The following SAMD5 variants were observed in gnomAD, a reference collection of about 807,000 sequenced individuals.
The protein encoded by SAMD5 is sterile alpha motif domain containing 5, also known as sterile alpha motif domain-containing protein 5.
A neutral mutation model predicts 11.3 loss-of-function variants in SAMD5; 13 were observed. The observed-to-expected ratio is 1.15, with a 90% CI of 0.75 to 1.83. The LOEUF is 1.83. SAMD5 is among the 40% of genes most tolerant of loss of function. The pLI is 0.00. For missense variants in SAMD5, 255 were observed against 239.1 expected, an observed-to-expected ratio of 1.07 and a Z score of -0.44; for synonymous variants, 129 against 111.3, an observed-to-expected ratio of 1.16 and a Z score of -1.00.
the SAMD5 span, among the ~76,000 whole-genome samples, chr6:147,878,294 A>G: frequency 1.3e-5 from 2 of 151,902 alleles, no homozygotes; most frequent in Non-Finnish European, 2.9e-5. Flanking sequence ...CATGGTGGAA[A>G]GGAATGAGAG....
chr6:147,932,407 C>G, the SAMD5 span, among the ~76,000 whole-genome samples: 1 of 152,028 alleles, frequency 6.6e-6, no homozygotes, highest in Non-Finnish European at 1.5e-5. Context: ...CTCAGATACC[C>G]CACAAAGTGG....
chr6:147,695,353 C>G (rs1791160357), intron 1 of SAMD5, among the ~76,000 whole-genome samples: 1 of 151,940 alleles, frequency 6.6e-6, no homozygotes, highest in African/African-American at 2.4e-5. Flanking sequence ...AAATCAAAAG[C>G]CTTCGTTACG....
At chr6:147,778,089 A>G in the SAMD5 span, among the ~76,000 whole-genome samples, 1 of 152,358 alleles carries the variant, frequency 6.6e-6, no homozygotes, top group East Asian at 1.9e-4. Context: ...CATTCTTACC[A>G]GCAATGCACT....
the SAMD5 span, among the ~76,000 whole-genome samples, chr6:147,931,300 G>A: frequency 2.6e-5 from 4 of 152,178 alleles, no homozygotes; most frequent in African/African-American, 9.7e-5. Context: ...AAAATAGGAT[G>A]TGATCATTCT....
chr6:147,830,783 A>G, the SAMD5 span, among the ~76,000 whole-genome samples: 1 of 152,210 alleles, frequency 6.6e-6, no homozygotes, highest in Admixed American at 6.5e-5. Context: ...TTCTTCACTA[A>G]TGCAGGATTT....
intron 1 of SAMD5, among the ~76,000 whole-genome samples, chr6:147,670,839 G>C (rs761287077): frequency 7.9e-4 from 120 of 152,340 alleles, no homozygotes; most frequent in Admixed American, 1.4e-3. Context: ...TGTCATTCAT[G>C]TGTTCACCGT....
the SAMD5 span, among the ~76,000 whole-genome samples, chr6:147,798,838 CTT>C: frequency 6.6e-6 from 1 of 152,204 alleles, no homozygotes; most frequent in African/African-American, 2.4e-5. Flanking sequence ...TTCTTTGTCT[CTT>C]TTGTTCTTTG....
At chr6:147,533,843 C>T (rs1788467410) in intron 1 of SAMD5, among the ~76,000 whole-genome samples, 1 of 152,178 alleles carries the variant, frequency 6.6e-6, no homozygotes, top group African/African-American at 2.4e-5. Flanking sequence ...AGGCCACCAA[C>T]TGATTGGATG....
chr6:147,515,613 C>T (rs1583064145), intron 1 of SAMD5, among the ~76,000 whole-genome samples: 1 of 151,520 alleles, frequency 6.6e-6, no homozygotes, highest in East Asian at 1.9e-4. Flanking sequence ...TCCATTTATC[C>T]ATCTATCCAT....
chr6:147,773,656 A>T, the SAMD5 span, among the ~76,000 whole-genome samples: 4 of 152,236 alleles, frequency 2.6e-5, no homozygotes, highest in East Asian at 7.7e-4. Flanking sequence ...GCCTCTTTTT[A>T]TGTCAGCACT....
At chr6:147,599,952 AGAGGTGTGTATGGGACCAG>A (rs1214144070) in intron 1 of SAMD5, among the ~76,000 whole-genome samples, 16 of 151,952 alleles carry the variant, frequency 1.1e-4, no homozygotes, top group Admixed American at 5.9e-4. Flanking sequence ...TATAGGACCA[AGAGGTGTGTATGGGACCAG>A]GAGGTGTGTA....
chr6:147,913,654 C>A, the SAMD5 span, among the ~76,000 whole-genome samples: 1 of 152,074 alleles, frequency 6.6e-6, no homozygotes. Context: ...TGAGATCACG[C>A]CATTGCACTC....
At chr6:147,795,886 A>G in the SAMD5 span, among the ~76,000 whole-genome samples, 5 of 152,040 alleles carry the variant, frequency 3.3e-5, no homozygotes, top group South Asian at 2.1e-4. Flanking sequence ...GTCTGTTCAT[A>G]TCCTTCGCCC....
At chr6:147,914,038 G>A in the SAMD5 span, among the ~76,000 whole-genome samples, 1 of 152,154 alleles carries the variant, frequency 6.6e-6, no homozygotes, top group South Asian at 2.1e-4. Context: ...GTTAAGATGA[G>A]GCTAGAGCAA....
downstream of SAMD5, among the ~76,000 whole-genome samples, chr6:147,570,912 T>C (rs1380789089): frequency 6.6e-6 from 1 of 152,168 alleles, no homozygotes; most frequent in African/African-American, 2.4e-5. Flanking sequence ...TTGGCGTTCT[T>C]CCACATCCTC....
intron 1 of SAMD5, among the ~76,000 whole-genome samples, chr6:147,532,571 CA>C (rs1255284629): frequency 6.6e-6 from 1 of 152,188 alleles, no homozygotes; most frequent in Non-Finnish European, 1.5e-5. Flanking sequence ...TTTGCAATTG[CA>C]AATTGTGCTG....
At chr6:147,701,250 T>C (rs1424036688) in intron 1 of SAMD5, among the ~76,000 whole-genome samples, 1 of 152,200 alleles carries the variant, frequency 6.6e-6, no homozygotes, top group Non-Finnish European at 1.5e-5. Flanking sequence ...TAAGTACTGA[T>C]ATAAGCATAA....
intron 1 of SAMD5, among the ~76,000 whole-genome samples, chr6:147,606,141 T>C (rs1267499114): frequency 6.6e-6 from 1 of 152,096 alleles, no homozygotes; most frequent in Non-Finnish European, 1.5e-5. Context: ...GGATGGGCAT[T>C]CTCTCAGGGG....
the SAMD5 span, among the ~76,000 whole-genome samples, chr6:147,948,728 T>C: frequency 6.6e-6 from 1 of 152,294 alleles, no homozygotes; most frequent in South Asian, 2.1e-4. Context: ...GGTTCTTTTT[T>C]GGTTTTTTGT....
Sources: gnomAD v4.1 joint callset for allele counts (sites outside exome capture counted in the v4.1 genomes callset) on GRCh38, gnomAD v4.1.1 for gene constraint, MANE v1.5 for transcripts, NCBI Gene and HGNC (gene_info 2026-07-23, HGNC 2026-07-21) for gene names.